The following C5 variants were observed in gnomAD, a reference collection of about 807,000 sequenced individuals.
C5 encodes the protein complement C5, also known as C3 and PZP-like alpha-2-macroglobulin domain-containing protein 4.
Under a neutral mutation model 218.8 loss-of-function variants are expected in C5, and 140 were observed. The observed-to-expected ratio is 0.64, with a 90% CI of 0.56 to 0.74. The LOEUF (loss-of-function observed/expected upper bound fraction) is 0.74, where lower values mean the gene tolerates loss of function less well. Among genes scored for constraint, C5 ranks in the 30% least tolerant of loss-of-function variants. C5 has a pLI of 0.00. For synonymous variants in C5, 614 were observed against 682.3 expected, an observed-to-expected ratio of 0.90 and a Z score of 1.56; for missense variants, 1,700 against 1,969.6, an observed-to-expected ratio of 0.86 and a Z score of 2.59.
chr9:121,035,042 G>T (rs915406065), intron 4 of C5, 148 bp from the exon 5 acceptor site: 5 of 588,390 alleles, frequency 8.5e-6, no homozygotes, highest in Non-Finnish European at 1.5e-5. Context: ...GAAGGATGAA[G>T]ATCTGTTAAA....
Position 121,021,814 on chromosome 9 carries a change from A to T in C5, c.1117-120T>A, listed in dbSNP as rs928038821. ...TAAATTATTTATGTATTTTTTTCTG[A>T]AAATTTTTTTTCTGAGACAGAGACT... On this transcript the variant is annotated intron_variant, in intron 10 of 40. Coordinates refer to ENST00000223642, the MANE Select transcript of C5 (RefSeq NM_001735.3). 4 of 1,008,642 alleles carry T rather than the reference A, an allele frequency of 4.0e-6. No individual in the cohort carries two copies. In the African/African-American group the frequency reaches 6.5e-5, roughly 16 times the overall value. The allele number at this position is 1,008,642 out of a possible 1,614,324, so 62.5% of individuals were successfully genotyped here.
intron 1 of C5, among the ~76,000 whole-genome samples, chr9:121,049,820 C>T (rs1173852828): frequency 1.3e-5 from 2 of 152,078 alleles, no homozygotes; most frequent in South Asian, 4.1e-4. Flanking sequence ...TCCTAAATAA[C>T]CCTGGTTTAA....
chr9:121,025,207 T>G (rs2047409197), intron 9 of C5, among the ~76,000 whole-genome samples: 1 of 152,172 alleles, frequency 6.6e-6, no homozygotes, highest in Admixed American at 6.5e-5. Flanking sequence ...TGTTTTCCCA[T>G]TTTTGCAGTA....
the C5 span, among the ~76,000 whole-genome samples, chr9:121,057,928 C>T: frequency 8.5e-5 from 13 of 152,128 alleles, no homozygotes; most frequent in Non-Finnish European, 1.5e-4. Flanking sequence ...GTTCTTTGCT[C>T]CAAAATATCC....
chr9:120,961,396 CCAAA>C, intron 37 of C5, 82 bp downstream of exon 37: 1 of 832,932 alleles, frequency 1.2e-6, no homozygotes, highest in East Asian at 2.5e-5. Flanking sequence ...GAACAGTTTA[CCAAA>C]CAGTGTCCCC....
At chr9:121,066,134 G>A in the C5 span, among the ~76,000 whole-genome samples, 5 of 151,788 alleles carry the variant, frequency 3.3e-5, no homozygotes, top group Non-Finnish European at 4.4e-5. Flanking sequence ...CCAATATGGC[G>A]AAACCCCATC....
chr9:120,957,914 C>T (rs990205103), intron 38 of C5, among the ~76,000 whole-genome samples: 4 of 152,222 alleles, frequency 2.6e-5, no homozygotes, highest in Non-Finnish European at 5.9e-5. Flanking sequence ...GCCTACAATC[C>T]TGTTTTCCCT....
chr9:121,021,169 C>T (rs1216841837), intron 11 of C5, among the ~76,000 whole-genome samples: 1 of 152,080 alleles, frequency 6.6e-6, no homozygotes, highest in Non-Finnish European at 1.5e-5. Flanking sequence ...CCTTTTGTGG[C>T]CCTTCAGGGG....
At chr9:120,982,273 G>A (rs1220318982) in intron 26 of C5, among the ~76,000 whole-genome samples, 2 of 152,330 alleles carry the variant, frequency 1.3e-5, no homozygotes, top group East Asian at 3.9e-4. Context: ...GCCTCCCAAA[G>A]TGCTGCAATT....
At position 121,020,147 on chromosome 9, in the gene C5, T is replaced by A. The variant is rs751186986; in HGVS notation, c.1335A>T (p.Glu445Asp). 6.2e-7 allele frequency: 1 copy of A among 1,614,100 alleles called. No homozygotes were observed. The highest frequency in any genetic ancestry group is 2.2e-5 in the East Asian group (1 of 44,876). ...CTCGGTAACCTTCCCTGGCCTGATT[T>A]TCTTCTGGAAGATCTGGAGCATCAG... The part of the protein sequence containing the change: ...VKTDAPDLPE[E>D]NQAREGYRAI... The change falls in exon 12 of 41, where the codon GAA (glutamate) becomes GAT (aspartate). Residue 445 changes from glutamate (E) to aspartate (D), a missense_variant. Coordinates refer to ENST00000223642, the MANE Select transcript of C5 (RefSeq NM_001735.3).
At chr9:121,033,050 A>AT (rs1331307842) in intron 5 of C5, among the ~76,000 whole-genome samples, 1 of 148,540 alleles carries the variant, frequency 6.7e-6, no homozygotes, top group Non-Finnish European at 1.5e-5. Context: ...ATGTATGTAT[A>AT]TATGTGTGTA....
chr9:120,994,722 G>A (rs2047103489), intron 22 of C5, among the ~76,000 whole-genome samples: 1 of 152,076 alleles, frequency 6.6e-6, no homozygotes, highest in African/African-American at 2.4e-5. Flanking sequence ...TGCCTAAAAT[G>A]TTAAGGGAAA....
At chr9:121,010,587 A>G (rs1215857179) in intron 17 of C5, among the ~76,000 whole-genome samples, 1 of 152,172 alleles carries the variant, frequency 6.6e-6, no homozygotes, top group Non-Finnish European at 1.5e-5. Context: ...ATTCAATGCA[A>G]TCTCTATGAA....
Position 121,017,452 on chromosome 9 carries a change from C to A in C5, c.1776G>T (p.Met592Ile), listed in dbSNP as rs1170404136. Residue 592 changes from methionine to isoleucine, a missense_variant, in exon 14 of 41, where the codon ATG becomes ATT. Coordinates refer to ENST00000223642, the MANE Select transcript of C5 (RefSeq NM_001735.3). ...CCACCCAGGAATCCATTCCAGTTGC[C>A]ATATTAAGAGACACAGTTTGGCCTG... ...YSPGQTVSLN[M>I]ATGMDSWVAL... 4 of 1,613,832 alleles carry A rather than the reference C, an allele frequency of 2.5e-6. No individual in the cohort carries two copies. The African/African-American group carries it at 5.3e-5, about 22-fold the overall frequency.
intron 22 of C5, among the ~76,000 whole-genome samples, chr9:120,992,431 A>G (rs1020785171): frequency 3.3e-5 from 5 of 152,248 alleles, no homozygotes; most frequent in Non-Finnish European, 5.9e-5. Context: ...GGAGATAACA[A>G]CATTTTCCTC....
chr9:120,983,542 C>G (rs779822986), intron 25 of C5, among the ~76,000 whole-genome samples: 1 of 152,132 alleles, frequency 6.6e-6, no homozygotes, highest in African/African-American at 2.4e-5. Flanking sequence ...TTTTCATTTT[C>G]ATTTTTTAAA....
Position 121,013,906 on chromosome 9 carries a change from T to C in C5, c.2224A>G (p.Ile742Val), listed in dbSNP as rs749287306. The change falls in exon 17 of 41, where the codon ATC (isoleucine) becomes GTC (valine). Residue 742 changes from isoleucine (I) to valine (V), a missense_variant. Physicochemically the swap from Ile to Val is conservative, Grantham distance 29. Coordinates refer to ENST00000223642, the MANE Select transcript of C5 (RefSeq NM_001735.3). ...CVVASQLRAN[I>V]SHKDMQLGRL... The stretch of plus-strand genomic sequence containing the variant: ...CCCAATTGCATGTCTTTATGAGAGA[T>C]ATTAGCACGGAGCTGGCTTGCGACG... The C allele has an allele frequency of 6.2e-7, 1 of 1,614,170 alleles. No homozygotes were observed. Among genetic ancestry groups the C allele is most frequent in the Non-Finnish European group, 8.5e-7 (1 of 1,180,030 alleles).
intron 21 of C5, 145 bp downstream of exon 21, chr9:120,997,402 C>CA (rs879394403): frequency 4.7e-5 from 31 of 656,700 alleles, no homozygotes; most frequent in Middle Eastern, 4.2e-4. Flanking sequence ...AAGAATAGTA[C>CA]AAAAAAAATC....
the C5 span, among the ~76,000 whole-genome samples, chr9:121,074,226 A>T: frequency 1.3e-5 from 2 of 148,348 alleles, no homozygotes; most frequent in African/African-American, 2.4e-5. Context: ...ATAACACTTT[A>T]AAAAAAACTT....
Sources: allele counts gnomAD v4.1 joint callset (sites outside exome capture counted in the v4.1 genomes callset), GRCh38; gene constraint gnomAD v4.1.1; transcripts MANE v1.5; gene names NCBI Gene and HGNC (gene_info 2026-07-23, HGNC 2026-07-21).